RARB: variants seen among roughly 807,000 people sequenced by gnomAD.
RARB encodes HBV-activated protein.
A neutral mutation model predicts 51.9 loss-of-function variants in RARB; 17 were observed. The observed-to-expected ratio is 0.33, with a 90% CI of 0.22 to 0.49. The LOEUF (loss-of-function observed/expected upper bound fraction) is 0.49. RARB is among the 20% of genes least tolerant of loss of function. The pLI is 0.99. For missense variants in RARB, 369 were observed against 550.8 expected (o/e 0.67, Z 3.30); for synonymous variants, 215 against 195.4 (o/e 1.10, Z -0.84).
chr3:25,352,629 A>T (rs1444003082), intron 5 of RARB, among the ~76,000 whole-genome samples: 1 of 152,176 alleles, frequency 6.6e-6, no homozygotes, highest in East Asian at 1.9e-4. Context: ...TTGGTTAACT[A>T]ATTAGCTTAT....
intron 5 of RARB, among the ~76,000 whole-genome samples, chr3:25,350,635 G>C (rs1705536049): frequency 6.6e-6 from 1 of 152,198 alleles, no homozygotes; most frequent in African/African-American, 2.4e-5. Context: ...ACTCCCAGGG[G>C]AAGACACTCG....
intron 5 of RARB, among the ~76,000 whole-genome samples, chr3:25,417,558 T>C (rs1281911425): frequency 6.6e-6 from 1 of 152,204 alleles, no homozygotes; most frequent in Non-Finnish European, 1.5e-5. Context: ...TCTCTTCTCT[T>C]GTCTGCCACC....
chr3:25,389,454 T>C (rs1407703313), intron 5 of RARB, among the ~76,000 whole-genome samples: 2 of 152,174 alleles, frequency 1.3e-5, no homozygotes, highest in African/African-American at 4.8e-5. Flanking sequence ...CTCTCAAGTC[T>C]CAATTTCCTC....
intron 3 of RARB, among the ~76,000 whole-genome samples, chr3:25,567,698 G>T (rs1425926433): frequency 6.6e-6 from 1 of 152,100 alleles, no homozygotes; most frequent in Non-Finnish European, 1.5e-5. Context: ...GTACCTCTGC[G>T]TATAACTTTG....
intron 2 of RARB, among the ~76,000 whole-genome samples, chr3:24,931,450 C>T (rs901692060): frequency 6.6e-6 from 1 of 152,028 alleles, no homozygotes; most frequent in African/African-American, 2.4e-5. Context: ...TCCCATTAGG[C>T]TGTTGTCTAC....
chr3:25,441,749 G>C (rs950937862), intron 1 of RARB, among the ~76,000 whole-genome samples: 2 of 152,084 alleles, frequency 1.3e-5, no homozygotes, highest in Admixed American at 1.3e-4. Context: ...TCTTTTCTGT[G>C]TTCTCACCCT....
At chr3:25,050,161 C>G (rs1698298209) in intron 2 of RARB, among the ~76,000 whole-genome samples, 1 of 152,040 alleles carries the variant, frequency 6.6e-6, no homozygotes, top group South Asian at 2.1e-4. Flanking sequence ...TTTTGTGTGA[C>G]AACACAGAAG....
At chr3:25,534,211 A>G (rs1031552202) in intron 3 of RARB, among the ~76,000 whole-genome samples, 1 of 152,208 alleles carries the variant, frequency 6.6e-6, no homozygotes, top group Admixed American at 6.5e-5. Flanking sequence ...CCATTTGTTG[A>G]CCTAAGACTT....
intron 5 of RARB, among the ~76,000 whole-genome samples, chr3:25,231,472 C>T (rs756128149): frequency 1.3e-5 from 2 of 152,140 alleles, no homozygotes; most frequent in African/African-American, 2.4e-5. Context: ...CCAAGCAATA[C>T]TCTTTGTTAA....
chr3:25,229,753 G>T (rs1242268422), intron 5 of RARB, among the ~76,000 whole-genome samples: 1 of 118,210 alleles, frequency 8.5e-6, no homozygotes, highest in Non-Finnish European at 1.6e-5. Context: ...TTAATTCCTT[G>T]GCAGGTCAAG....
intron 4 of RARB, among the ~76,000 whole-genome samples, chr3:25,138,543 G>A (rs1700065906): frequency 6.6e-6 from 1 of 151,984 alleles, no homozygotes; most frequent in Non-Finnish European, 1.5e-5. Context: ...AGTAACATGA[G>A]TCTCTTTCTT....
intron 2 of RARB, among the ~76,000 whole-genome samples, chr3:24,951,196 A>C (rs568240988): frequency 1.3e-5 from 2 of 152,300 alleles, no homozygotes; most frequent in South Asian, 4.1e-4. Flanking sequence ...TTGCATTTCC[A>C]ACCAGGCTCC....
At chr3:25,312,381 A>T (rs2125434388) in intron 5 of RARB, among the ~76,000 whole-genome samples, 1 of 152,080 alleles carries the variant, frequency 6.6e-6, no homozygotes, top group East Asian at 1.9e-4. Context: ...CCAGATAAAG[A>T]CCTAAGATTT....
At chr3:25,073,328 T>C (rs1698807863) in intron 3 of RARB, among the ~76,000 whole-genome samples, 1 of 152,226 alleles carries the variant, frequency 6.6e-6, no homozygotes, top group South Asian at 2.1e-4. Flanking sequence ...TTAATGTGTT[T>C]GATCCCTCAA....
chr3:25,103,845 C>G (rs1394554432), intron 3 of RARB, among the ~76,000 whole-genome samples: 1 of 152,156 alleles, frequency 6.6e-6, no homozygotes, highest in Non-Finnish European at 1.5e-5. Flanking sequence ...TTCTGTGTCT[C>G]TGCTTTTGAT....
chr3:25,161,885 A>G (rs142760493), intron 4 of RARB, among the ~76,000 whole-genome samples: 5 of 152,308 alleles, frequency 3.3e-5, no homozygotes, highest in African/African-American at 1.2e-4. Context: ...AGCCCCCTGG[A>G]TTATGAGAGC....
intron 5 of RARB, among the ~76,000 whole-genome samples, chr3:25,332,668 C>G (rs900613698): frequency 6.6e-6 from 1 of 152,166 alleles, no homozygotes; most frequent in Non-Finnish European, 1.5e-5. Flanking sequence ...GCTGGAAGTT[C>G]TGGCCAGGGC....
In RARB at chr3:25,221,831, T is replaced by A. The variant is rs182832361; in HGVS notation, c.178+47256T>A. Among the ~76,000 whole-genome samples the A allele has an allele frequency of 2.0e-5, 3 of 152,286 alleles. No homozygotes were observed. The East Asian group carries it at 5.8e-4, about 29-fold the overall frequency. On this transcript the variant is annotated intron_variant, in intron 5 of 11. Coordinates refer to the RARB transcript ENST00000383772. The stretch of plus-strand genomic sequence containing the variant: ...AAACTAAGTGGATTCCAGAGTGTCT[T>A]CTCATCTTGAGACTGTGCATCCTGT...
chr3:25,478,147 C>A (rs1991784), intron 2 of RARB, among the ~76,000 whole-genome samples: 16 of 152,078 alleles, frequency 1.1e-4, no homozygotes, highest in Admixed American at 3.9e-4. Flanking sequence ...GCCTTTTATT[C>A]CCTAGCCTTG....
Sources: gnomAD v4.1 joint callset for allele counts (sites outside exome capture counted in the v4.1 genomes callset) on GRCh38, gnomAD v4.1.1 for gene constraint, MANE v1.5 for transcripts, NCBI Gene and HGNC (gene_info 2026-07-23, HGNC 2026-07-21) for gene names.